The following NCOR2 variants were observed in gnomAD, a reference collection of about 807,000 sequenced individuals.
The protein encoded by NCOR2 is CTG repeat protein 26.
In NCOR2, 81 loss-of-function variants were observed where a neutral mutation model predicts 262.9. The ratio of observed to expected loss-of-function variants is 0.31; its 90% CI spans 0.26 to 0.37. The LOEUF is 0.37. Ranked by LOEUF, NCOR2 falls within the 10% of genes least tolerant of loss-of-function variation. The pLI is 1.00. For missense variants in NCOR2, 3,385 were observed against 3,621.4 expected, an observed-to-expected ratio of 0.93 and a Z score of 1.68; for synonymous variants, 1,659 against 1,559.3, an observed-to-expected ratio of 1.06 and a Z score of -1.51.
intron 1 of NCOR2, among the ~76,000 whole-genome samples, chr12:124,552,961 C>T (rs560969015): frequency 6.6e-6 from 1 of 152,340 alleles, no homozygotes; most frequent in African/African-American, 2.4e-5. Flanking sequence ...CTGGGGATTA[C>T]AGGCGTGAGC....
At chr12:124,514,475 G>C (rs780104900) in intron 1 of NCOR2, 1 of 152,356 alleles carries the variant, frequency 6.6e-6, no homozygotes, top group African/African-American at 2.4e-5. Flanking sequence ...ACTGACATCA[G>C]GCCTCTCTCA....
At chr12:124,565,332 G>T (rs558617247) in intron 1 of NCOR2, among the ~76,000 whole-genome samples, 1 of 152,142 alleles carries the variant, frequency 6.6e-6, no homozygotes, top group African/African-American at 2.4e-5. Flanking sequence ...GCAGGGACAC[G>T]GCAGGCGGCT....
At chr12:124,465,109 T>C (rs1202132002) in intron 5 of NCOR2, among the ~76,000 whole-genome samples, 1 of 149,798 alleles carries the variant, frequency 6.7e-6, no homozygotes. Context: ...ACCTCAACTC[T>C]GAGCACTGAT....
At chr12:124,399,650 C>T (rs139510584) in intron 15 of NCOR2, among the ~76,000 whole-genome samples, 31 of 152,286 alleles carry the variant, frequency 2.0e-4, no homozygotes, top group African/African-American at 7.2e-4. Context: ...ATGACCCGGA[C>T]CCCAGGGGAC....
intron 37 of NCOR2, among the ~76,000 whole-genome samples, chr12:124,337,704 T>C (rs1032323189): frequency 1.3e-5 from 2 of 152,172 alleles, no homozygotes; most frequent in Non-Finnish European, 2.9e-5. Flanking sequence ...AGGGGAAGGA[T>C]GCCAGGGGGC....
At chr12:124,496,974 C>T (rs2048412607), upstream of NCOR2, among the ~76,000 whole-genome samples, 1 of 152,162 alleles carries the variant, frequency 6.6e-6, no homozygotes, top group Non-Finnish European at 1.5e-5. The surrounding 1 kb of genome is among the most constrained non-coding windows in gnomAD (Gnocchi z 4.4). Context: ...GCCTGAGACC[C>T]ACGCCCACCG....
At chr12:124,334,854 A>G in intron 40 of NCOR2, 1 of 609,516 alleles carries the variant, frequency 1.6e-6, no homozygotes, top group East Asian at 2.8e-5. Flanking sequence ...CCAGCCCATG[A>G]CACTGAGAAA....
chr12:124,532,864 C>T lies in NCOR2; in HGVS notation c.-118+2701G>A, dbSNP rs2050887671. Among the ~76,000 whole-genome samples the T allele has an allele frequency of 2.1e-5, 3 of 140,682 alleles. No homozygotes were observed. The Admixed American group carries it at 2.1e-4, about 10-fold the overall frequency. The allele number at this position is 140,682 out of a possible 152,430, so 92.3% of individuals were successfully genotyped here. Reference sequence around the variant, plus strand: ...TTTGTGGGGGACCGCCACCGTCCCACTCCTCCTTCCCCCACCTCCAAATCC... The same window carrying T: ...TTTGTGGGGGACCGCCACCGTCCCATTCCTCCTTCCCCCACCTCCAAATCC... On this transcript the variant is annotated intron_variant, in intron 1 of 46. Coordinates refer to the NCOR2 transcript ENST00000404621.
chr12:124,356,437 C>A (rs775847133), intron 23 of NCOR2, among the ~76,000 whole-genome samples: 19 of 152,256 alleles, frequency 1.2e-4, no homozygotes, highest in Admixed American at 6.5e-4. Flanking sequence ...TGCTGTGGCT[C>A]CCTCTTGCCA....
chr12:124,356,677 G>A lies in NCOR2; in HGVS notation c.3206C>T (p.Ala1069Val), dbSNP rs770557834. 4.1e-6 allele frequency: 6 copies of A among 1,469,432 alleles called. No homozygotes were observed. The highest frequency in any genetic ancestry group is 5.4e-6 in the Non-Finnish European group (6 of 1,114,420). 91.0% of individuals were successfully genotyped at this position (1,469,432 alleles called of 1,614,324 possible). The change falls in exon 23 of 47, where the codon GCC (alanine) becomes GTC (valine). Residue 1069 changes from alanine (A) to valine (V), a missense_variant. Transcript: ENST00000405201. ...GTAGGAGAAGGCTGAGGGGTCCGGG[G>A]CATGCGGGGAGGCCTTGATCACCTC...
chr12:124,355,395 A>G (rs755453783), intron 24 of NCOR2, 37 bp downstream of exon 26: 21 of 1,608,396 alleles, frequency 1.3e-5, no homozygotes, highest in Non-Finnish European at 1.8e-5. Flanking sequence ...ACAGATAAGA[A>G]GACTAAGCCC....
chr12:124,368,654 G>C (rs1212178961), intron 20 of NCOR2, among the ~76,000 whole-genome samples: 1 of 151,750 alleles, frequency 6.6e-6, no homozygotes, highest in African/African-American at 2.4e-5. Flanking sequence ...GTGGTTCCCA[G>C]GGGGTCTGGC....
chr12:124,325,576 C>T (rs760012096), exon 47 of NCOR2: 12 of 1,289,066 alleles, frequency 9.3e-6, no homozygotes, highest in Middle Eastern at 4.6e-4. Flanking sequence ...AGGGGAATGG[C>T]GTGGAACCTG....
chr12:124,395,764 C>T (rs1030524767), intron 16 of NCOR2, among the ~76,000 whole-genome samples: 5 of 152,082 alleles, frequency 3.3e-5, no homozygotes, highest in African/African-American at 4.8e-5. Flanking sequence ...GATGGAGAGG[C>T]GGTGGGACCC....
In NCOR2 at chr12:124,548,972, C is replaced by T. The variant is rs910569983; in HGVS notation, c.-164-13361G>A. 1.3e-5 allele frequency among the ~76,000 whole-genome samples: 2 copies of T among 152,156 alleles called. No individual in the cohort carries two copies. The highest frequency in any genetic ancestry group is 2.4e-5 in the African/African-American group (1 of 41,420). ...TCTCGTTTCCCCGCTTCCCCTTACC[C>T]GACGGTTGGGGCACCGCACAGATTT... On this transcript the variant is annotated intron_variant, in intron 1 of 32. Transcript: ENST00000458234. This position sits in a 1 kb window ranked among gnomAD's most constrained non-coding sequence, Gnocchi z 5.1.
chr12:124,399,981 C>T (rs992034985), intron 15 of NCOR2, among the ~76,000 whole-genome samples: 4 of 152,096 alleles, frequency 2.6e-5, no homozygotes, highest in Non-Finnish European at 5.9e-5. Context: ...AGGGTAGAGG[C>T]TGGGTGGGGA....
chr12:124,515,782 ATG>A lies in NCOR2; in HGVS notation c.-118+19781_-118+19782del, dbSNP rs1355031369. Among the ~76,000 whole-genome samples, 10 of 151,366 alleles carry A rather than the reference ATG, an allele frequency of 6.6e-5. No homozygotes were observed. The South Asian group carries it at 1.9e-3, about 28-fold the overall frequency. The stretch of plus-strand genomic sequence containing the variant: ...TGGGTGTGTGCGTGAGTGTGCATGT[ATG>A]TGTGTGCATGTGTGAGTGTGCGCGT... On this transcript the variant is annotated intron_variant, in intron 1 of 46. Transcript: ENST00000404621.
At chr12:124,327,867 C>G (rs1322740686) in intron 44 of NCOR2, among the ~76,000 whole-genome samples, 1 of 151,938 alleles carries the variant, frequency 6.6e-6, no homozygotes, top group East Asian at 1.9e-4. Flanking sequence ...TTCCTTCTAC[C>G]TGGGGCCCCG....
chr12:124,438,695 C>T (rs550610767), intron 7 of NCOR2, among the ~76,000 whole-genome samples: 39 of 127,388 alleles, frequency 3.1e-4, no homozygotes, highest in Non-Finnish European at 5.7e-4. Context: ...AGACAGAGAC[C>T]CAGAAAGAGA....
Sources: allele counts gnomAD v4.1 joint callset (sites outside exome capture counted in the v4.1 genomes callset), GRCh38; gene constraint gnomAD v4.1.1; non-coding constraint Gnocchi (gnomAD v3.1); transcripts MANE v1.5; gene names NCBI Gene and HGNC (gene_info 2026-07-23, HGNC 2026-07-21).